Variants in RBFOX2 observed in about 807,000 individuals in gnomAD.
RBFOX2 encodes the protein RNA binding fox-1 homolog 2.
In RBFOX2, 10 loss-of-function variants were observed where a neutral mutation model predicts 49.1. The observed-to-expected ratio is 0.20, with a 90% CI of 0.13 to 0.35. RBFOX2 has a LOEUF of 0.35. Among genes scored for constraint, RBFOX2 ranks in the 10% least tolerant of loss-of-function variants. The pLI, the probability that RBFOX2 is intolerant of heterozygous loss-of-function variation, is 1.00. For synonymous variants in RBFOX2, 183 were observed against 187.4 expected (o/e 0.98, Z 0.19); for missense variants, 323 against 486.9 (o/e 0.66, Z 3.17).
At chr22:35,822,424 C>G (rs1392727437) in intron 1 of RBFOX2, among the ~76,000 whole-genome samples, 3 of 151,966 alleles carry the variant, frequency 2.0e-5, no homozygotes, top group African/African-American at 7.3e-5. Context: ...ATCTTTTGCC[C>G]CTAGGTTCAG....
intron 1 of RBFOX2, among the ~76,000 whole-genome samples, chr22:35,933,212 G>A (rs1047817509): frequency 2.6e-5 from 4 of 152,170 alleles, no homozygotes; most frequent in African/African-American, 9.7e-5. Context: ...CAGTCTCTGT[G>A]CTTTGGTATT....
intron 1 of RBFOX2, among the ~76,000 whole-genome samples, chr22:35,895,014 C>G (rs375644120): frequency 1.1e-4 from 17 of 151,852 alleles, no homozygotes; most frequent in South Asian, 6.3e-4. Context: ...TCTCCTCCCC[C>G]CTCCGCTCCA....
chr22:35,840,616 G>A (rs1383825639), upstream of RBFOX2: 76 of 1,085,594 alleles, frequency 7.0e-5, no homozygotes, highest in Admixed American at 9.0e-5. Flanking sequence ...GTGCGCACGC[G>A]TGTGTGCGTG....
chr22:35,761,109 C>A (rs1176763842), intron 8 of RBFOX2, 93 bp downstream of exon 9: 1 of 1,074,848 alleles, frequency 9.3e-7, no homozygotes, highest in Admixed American at 2.3e-5. Flanking sequence ...ATTTCCATTT[C>A]AGTTATGTAC....
chr22:35,823,160 T>C (rs958519102), intron 1 of RBFOX2, among the ~76,000 whole-genome samples: 2 of 152,186 alleles, frequency 1.3e-5, no homozygotes, highest in African/African-American at 4.8e-5. Flanking sequence ...GGGGATGGCA[T>C]AGTACTTGCT....
At chr22:35,753,449 A>C (rs1935709941) in intron 9 of RBFOX2, among the ~76,000 whole-genome samples, 1 of 152,226 alleles carries the variant, frequency 6.6e-6, no homozygotes, top group Admixed American at 6.5e-5. Flanking sequence ...ATATTATTTC[A>C]GCACTAGTGA....
intron 1 of RBFOX2, among the ~76,000 whole-genome samples, chr22:35,866,326 C>A (rs1469437693): frequency 6.6e-6 from 1 of 152,010 alleles, no homozygotes; most frequent in Non-Finnish European, 1.5e-5. Flanking sequence ...AATATATACG[C>A]CATTTTTTTG....
At chr22:35,757,626 T>C (rs938962426) in intron 9 of RBFOX2, among the ~76,000 whole-genome samples, 1 of 152,210 alleles carries the variant, frequency 6.6e-6, no homozygotes, top group Non-Finnish European at 1.5e-5. Flanking sequence ...ATTTACAGGA[T>C]AGCATGGTCA....
chr22:35,745,663 T>C (rs1013580432), intron 11 of RBFOX2, among the ~76,000 whole-genome samples: 1 of 152,214 alleles, frequency 6.6e-6, no homozygotes, highest in African/African-American at 2.4e-5. Context: ...CCCCTATTTC[T>C]CTCGCAAATC....
intron 1 of RBFOX2, among the ~76,000 whole-genome samples, chr22:35,887,259 C>G (rs189031514): frequency 6.6e-6 from 1 of 152,240 alleles, no homozygotes; most frequent in East Asian, 1.9e-4. Flanking sequence ...TACTTAAAAT[C>G]TTTATTCTCA....
chr22:36,018,619 T>C (rs568024482), intron 1 of RBFOX2, among the ~76,000 whole-genome samples: 40 of 152,210 alleles, frequency 2.6e-4, no homozygotes, highest in African/African-American at 8.4e-4. Flanking sequence ...ATTGACTCTT[T>C]TGTTTTATTT....
chr22:36,017,957 A>G (rs964443936), intron 1 of RBFOX2, among the ~76,000 whole-genome samples: 14 of 152,252 alleles, frequency 9.2e-5, no homozygotes, highest in South Asian at 2.1e-4. Context: ...CAATGAAAAG[A>G]TCAGGTTAAC....
rs950273751 is a variant in RBFOX2, at chr22:35,817,563, T to C, written c.28-7559A>G. 1.4e-3 allele frequency among the ~76,000 whole-genome samples: 213 copies of C among 152,202 alleles called. 1 individual carries two copies. Among genetic ancestry groups the C allele is most frequent in the African/African-American group, 5.1e-3 (211 of 41,522 alleles). On this transcript the variant is annotated intron_variant, in intron 1 of 11. Transcript: ENST00000405409. ...GGCAACAGTGGCTATAAATGTAAGTTTCCTAAAAGTAGAGGGTTACCTTCT... is the reference window on the plus strand; with the variant it reads ...GGCAACAGTGGCTATAAATGTAAGTCTCCTAAAAGTAGAGGGTTACCTTCT...
At chr22:35,923,339 TTC>T (rs1203124401) in intron 1 of RBFOX2, among the ~76,000 whole-genome samples, 3 of 150,768 alleles carry the variant, frequency 2.0e-5, no homozygotes, top group Admixed American at 6.6e-5. Context: ...TATCTTTTTT[TTC>T]TTTTTTCTTT....
chr22:35,855,900 G>A (rs2042456695), intron 1 of RBFOX2, among the ~76,000 whole-genome samples: 4 of 151,954 alleles, frequency 2.6e-5, no homozygotes, highest in South Asian at 2.1e-4. Flanking sequence ...CCAGGTACTC[G>A]GGAGGCTGAG....
At chr22:35,933,951 T>TACAC (rs1437407075) in intron 1 of RBFOX2, among the ~76,000 whole-genome samples, 5 of 141,610 alleles carry the variant, frequency 3.5e-5, no homozygotes, top group African/African-American at 1.4e-4. Flanking sequence ...TATATATATA[T>TACAC]ATACACACAT....
intron 1 of RBFOX2, among the ~76,000 whole-genome samples, chr22:35,810,754 C>T (rs903439282): frequency 1.3e-5 from 2 of 152,172 alleles, no homozygotes; most frequent in Non-Finnish European, 2.9e-5. Flanking sequence ...TTACAGTATA[C>T]AATTTGGTAA....
chr22:35,955,332 T>G (rs1366501558), intron 1 of RBFOX2, among the ~76,000 whole-genome samples: 3 of 152,228 alleles, frequency 2.0e-5, no homozygotes, highest in Non-Finnish European at 4.4e-5. Context: ...TTTAAAAATA[T>G]GTTAATTCCT....
At chr22:35,930,044 C>T (rs905280470) in intron 1 of RBFOX2, among the ~76,000 whole-genome samples, 5 of 120,002 alleles carry the variant, frequency 4.2e-5, no homozygotes, top group African/African-American at 6.8e-5. Flanking sequence ...TTTTTTGAGA[C>T]GGAGTCTCAC....
Sources: allele counts gnomAD v4.1 joint callset (sites outside exome capture counted in the v4.1 genomes callset), GRCh38; gene constraint gnomAD v4.1.1; transcripts MANE v1.5; gene names NCBI Gene and HGNC (gene_info 2026-07-23, HGNC 2026-07-21).